The following ARHGEF10L variants were observed in gnomAD, a reference collection of about 807,000 sequenced individuals.
The protein encoded by ARHGEF10L is rho guanine nucleotide exchange factor 10-like protein.
A neutral mutation model predicts 141.2 loss-of-function variants in ARHGEF10L; 69 were observed. The observed-to-expected ratio is 0.49, with a 90% confidence interval of 0.40 to 0.60. ARHGEF10L has a LOEUF of 0.60. ARHGEF10L is among the 20% of genes least tolerant of loss of function. The pLI is 0.00. For synonymous variants in ARHGEF10L, 711 were observed against 718.5 expected (o/e 0.99, Z 0.17); for missense variants, 1,482 against 1,734.3 (o/e 0.85, Z 2.58).
At position 17,655,821 on chromosome 1, in the gene ARHGEF10L, C is replaced by T. The variant is rs186060326; in HGVS notation, c.2482-58C>T. 1,510 of 1,472,620 alleles carry T rather than the reference C, an allele frequency of 1.0e-3. 23 individuals are homozygous for T. In the Admixed American group the frequency reaches 0.022, roughly 22 times the overall value. The allele number at this position is 1,472,620 out of a possible 1,614,324, so 91.2% of individuals were successfully genotyped here. ...CCTTGGGAAAGCAGGGGCTGAGGTC[C>T]TCCTCTGCTCCCTCCTGTGGTTCCC... On this transcript the variant is annotated intron_variant, in intron 23 of 28. Transcript: ENST00000361221.
intron 27 of ARHGEF10L, among the ~76,000 whole-genome samples, chr1:17,692,024 A>C (rs960706728): frequency 6.6e-6 from 1 of 152,238 alleles, no homozygotes; most frequent in Non-Finnish European, 1.5e-5. Context: ...ACCAGGGCTA[A>C]GAAGAGAAGT....
At chr1:17,596,597 T>C (rs962477826) in intron 4 of ARHGEF10L, among the ~76,000 whole-genome samples, 4 of 152,182 alleles carry the variant, frequency 2.6e-5, no homozygotes, top group Non-Finnish European at 5.9e-5. Flanking sequence ...ATCCTTAGCT[T>C]GTTCTGGTTT....
At chr1:17,664,363 T>C in intron 25 of ARHGEF10L, 84 bp from the exon 26 acceptor site, 1 of 1,453,370 alleles carries the variant, frequency 6.9e-7, no homozygotes, top group Non-Finnish European at 9.2e-7. Context: ...GGGGCCCTGC[T>C]GAGCCCCCTG....
chr1:17,561,764 T>A (rs967948723), intron 1 of ARHGEF10L, among the ~76,000 whole-genome samples: 7 of 152,238 alleles, frequency 4.6e-5, no homozygotes, highest in Non-Finnish European at 1.0e-4. Context: ...TTCCTTTCTT[T>A]TACTTTTCCC....
chr1:17,521,985 A>C, the ARHGEF10L span, among the ~76,000 whole-genome samples: 1 of 152,174 alleles, frequency 6.6e-6, no homozygotes, highest in East Asian at 1.9e-4. Context: ...GCCCCCAGCT[A>C]CCAGAGTCCA....
intron 2 of ARHGEF10L, among the ~76,000 whole-genome samples, chr1:17,584,099 C>T (rs558555984): frequency 2.4e-4 from 36 of 152,200 alleles, no homozygotes; most frequent in African/African-American, 8.7e-4. Flanking sequence ...GGCTGGGGTG[C>T]AGTGGCACAA....
rs572409564 is a variant in ARHGEF10L, at chr1:17,593,071, C to T, written c.257+4592C>T. Among the ~76,000 whole-genome samples, 129 of 152,246 alleles carry T rather than the reference C, an allele frequency of 8.5e-4. 2 individuals carry two copies. In the South Asian group the frequency reaches 0.026, roughly 30 times the overall value. On this transcript the variant is annotated intron_variant, in intron 4 of 28. Transcript: ENST00000361221. ...TTTGGATCCCAGGCCCTTTGAGGAC[C>T]CCCACAGCCTCTTCATTGAAGAAGG...
At position 17,639,855 on chromosome 1, in the gene ARHGEF10L, G is replaced by T; in HGVS notation, c.2172-347G>T. On this transcript the variant is annotated intron_variant, in intron 20 of 28. Coordinates refer to ENST00000361221, the MANE Select transcript of ARHGEF10L (RefSeq NM_018125.4). The surrounding 1 kb of genome is among the most constrained non-coding windows in gnomAD (Gnocchi z 4.3). ...AGAGGCACGTGGTCAGACATGTAAG[G>T]TGTCTAAGACCTGTGGACAGCTGAC... 1 of 1,372,490 alleles carries T rather than the reference G, an allele frequency of 7.3e-7. No homozygotes were observed. Among genetic ancestry groups the T allele is most frequent in the Non-Finnish European group, 9.6e-7 (1 of 1,042,976 alleles). 85.0% of individuals were successfully genotyped at this position (1,372,490 alleles called of 1,614,324 possible).
chr1:17,696,931 C>T lies in ARHGEF10L; in HGVS notation c.3391C>T (p.Leu1131=). The change falls in exon 29 of 29, where the codon CTG becomes TTG. Residue 1131 remains leucine, a synonymous_variant. Coordinates refer to ENST00000361221, the MANE Select transcript of ARHGEF10L (RefSeq NM_018125.4). ...TACCAGCATCCTGGCCCCTGACATC[C>T]TGCGGAGTGACCAGGAGGAGGCTGA... The part of the protein sequence containing the change: ...VATSILAPDI[L]RSDQEEAEGP... 1 of 1,612,496 alleles carries T rather than the reference C, an allele frequency of 6.2e-7. No individual in the cohort carries two copies. The highest frequency in any genetic ancestry group is 8.5e-7 in the Non-Finnish European group (1 of 1,179,676).
intron 1 of ARHGEF10L, among the ~76,000 whole-genome samples, chr1:17,578,719 C>T (rs1274372845): frequency 6.6e-6 from 1 of 151,958 alleles, no homozygotes. Context: ...TAAATTATAC[C>T]CCCACAAAAA....
At chr1:17,605,884 C>T (rs1338876795) in intron 6 of ARHGEF10L, among the ~76,000 whole-genome samples, 15 of 152,214 alleles carry the variant, frequency 9.9e-5, no homozygotes, top group Admixed American at 6.5e-4. Flanking sequence ...GCAGCTGCTC[C>T]ACTCTCTAAA....
chr1:17,577,894 T>A (rs1162082937), intron 1 of ARHGEF10L, among the ~76,000 whole-genome samples: 1 of 152,196 alleles, frequency 6.6e-6, no homozygotes, highest in South Asian at 2.1e-4. Flanking sequence ...TCAGGCTCCA[T>A]ACATGTTGGT....
chr1:17,618,338 G>T, intron 9 of ARHGEF10L: 3 of 1,531,480 alleles, frequency 2.0e-6, no homozygotes, highest in Non-Finnish European at 2.6e-6. Flanking sequence ...GGCAGGGCTC[G>T]AATCACAGGC....
At chr1:17,545,872 C>A (rs934939877) in intron 1 of ARHGEF10L, among the ~76,000 whole-genome samples, 1 of 152,198 alleles carries the variant, frequency 6.6e-6, no homozygotes, top group Non-Finnish European at 1.5e-5. Flanking sequence ...GCCTCTGAAC[C>A]TTTGCACATG....
intron 15 of ARHGEF10L, among the ~76,000 whole-genome samples, chr1:17,629,705 C>G (rs545182333): frequency 1.1e-3 from 171 of 152,284 alleles, no homozygotes; most frequent in African/African-American, 3.9e-3. Flanking sequence ...ACTAACTCAG[C>G]CATCCCCCAC....
At chr1:17,530,967 T>G in the ARHGEF10L span, among the ~76,000 whole-genome samples, 1 of 151,114 alleles carries the variant, frequency 6.6e-6, no homozygotes, top group Non-Finnish European at 1.5e-5. Flanking sequence ...ATCGTGCCAC[T>G]GCACTCCAGC....
chr1:17,610,956 T>G (rs1218837502), intron 7 of ARHGEF10L, among the ~76,000 whole-genome samples: 1 of 152,018 alleles, frequency 6.6e-6, no homozygotes, highest in African/African-American at 2.4e-5. Context: ...CTGTGGTTTT[T>G]TTTTTTTCCA....
chr1:17,644,765 C>T lies in ARHGEF10L; in HGVS notation c.2273-3789C>T, dbSNP rs2061497597. Among the ~76,000 whole-genome samples, 1 of 152,188 alleles carries T rather than the reference C, an allele frequency of 6.6e-6. No homozygotes were observed. The highest frequency in any genetic ancestry group is 2.4e-5 in the African/African-American group (1 of 41,448). On this transcript the variant is annotated intron_variant, in intron 21 of 28. Transcript: ENST00000361221. The surrounding 1 kb of genome is among the most constrained non-coding windows in gnomAD (Gnocchi z 4.5). ...AGCAGGGCTGGGCCCGCGGTGGGCT[C>T]AGCTGCCCTCAGTAATAGCGACAGT...
chr1:17,607,742 T>C lies in ARHGEF10L; in HGVS notation c.434-60T>C. 1 of 1,424,136 alleles carries C rather than the reference T, an allele frequency of 7.0e-7. No homozygotes were observed. The highest frequency in any genetic ancestry group is 9.2e-7 in the Non-Finnish European group (1 of 1,087,516). The allele number at this position is 1,424,136 out of a possible 1,614,324, so 88.2% of individuals were successfully genotyped here. A position where few individuals can be genotyped will look rare whatever the true frequency, so the allele number is the denominator to read the frequency against. On this transcript the variant is annotated intron_variant, in intron 6 of 28. Coordinates refer to ENST00000361221, the MANE Select transcript of ARHGEF10L (RefSeq NM_018125.4). This position sits in a 1 kb window ranked among gnomAD's most constrained non-coding sequence, Gnocchi z 4.5. ...TGGGTTCAGAAATTGGGTCTGAGGC[T>C]GGAAGTCTGGTAGGCTTGGCCTCAG... is the stretch of plus-strand genomic sequence containing the variant.
Sources: gnomAD v4.1 joint callset for allele counts (sites outside exome capture counted in the v4.1 genomes callset) on GRCh38, gnomAD v4.1.1 for gene constraint, Gnocchi (gnomAD v3.1) non-coding constraint, MANE v1.5 for transcripts, NCBI Gene and HGNC (gene_info 2026-07-23, HGNC 2026-07-21) for gene names.